The following XPNPEP3 variants were observed in gnomAD, a reference collection of about 807,000 sequenced individuals.
XPNPEP3 encodes the protein xaa-Pro aminopeptidase 3.
A neutral mutation model predicts 60.0 loss-of-function variants in XPNPEP3; 41 were observed. That is an observed-to-expected ratio of 0.68 (90% CI 0.53 to 0.89). The LOEUF is 0.89. XPNPEP3 is among the 40% of genes least tolerant of loss of function. The probability of loss-of-function intolerance (pLI) is 0.00; values close to 1 mark genes in which losing one functional copy is unlikely to be tolerated. For synonymous variants in XPNPEP3, 212 were observed against 223.2 expected, an observed-to-expected ratio of 0.95 and a Z score of 0.45; for missense variants, 598 against 638.9, an observed-to-expected ratio of 0.94 and a Z score of 0.69.
rs750588344 is a variant in XPNPEP3 at position 40,886,521 on chromosome 22, A to AT, written c.792+8dup. ...CTGGGAAGCTGACATCACAGGTATG[A>AT]TTCCTATTGAAAAGTTTTTTCCAGC... is the stretch of plus-strand genomic sequence containing the variant. On this transcript the variant is annotated splice_region_variant and intron_variant, in intron 4 of 9. Transcript: ENST00000357137. 6.2e-7 allele frequency: 1 copy of AT among 1,613,234 alleles called. No homozygotes were observed. The highest frequency in any genetic ancestry group is 8.5e-7 in the Non-Finnish European group (1 of 1,179,906).
intron 2 of XPNPEP3, among the ~76,000 whole-genome samples, chr22:40,877,931 G>A (rs1214309441): frequency 1.3e-5 from 2 of 151,986 alleles, no homozygotes; most frequent in Non-Finnish European, 2.9e-5. Flanking sequence ...TTGTTTCTGG[G>A]TACAGTGGCT....
At chr22:40,912,320 T>C (rs943573561) in intron 6 of XPNPEP3, among the ~76,000 whole-genome samples, 3 of 152,200 alleles carry the variant, frequency 2.0e-5, no homozygotes, top group Non-Finnish European at 4.4e-5. Flanking sequence ...TCATAGGATA[T>C]ACATATCTGC....
At chr22:40,864,260 G>C (rs552939470) in intron 1 of XPNPEP3, among the ~76,000 whole-genome samples, 4 of 152,160 alleles carry the variant, frequency 2.6e-5, no homozygotes, top group Admixed American at 6.5e-5. Flanking sequence ...TTGGGGTGCT[G>C]GTGGGAGTGT....
chr22:40,922,559 C>CA, intron 8 of XPNPEP3, 46 bp downstream of exon 8: 3 of 1,592,240 alleles, frequency 1.9e-6, no homozygotes, highest in Non-Finnish European at 2.6e-6. Flanking sequence ...ACCTAGCATG[C>CA]TGCTAGGTTT....
intron 4 of XPNPEP3, among the ~76,000 whole-genome samples, chr22:40,893,505 CA>C (rs764114832): frequency 8.2e-3 from 332 of 40,254 alleles, no homozygotes; most frequent in South Asian, 0.036. Context: ...AACTCTATCT[CA>C]AAAAAAAAAA....
intron 7 of XPNPEP3, among the ~76,000 whole-genome samples, chr22:40,922,025 G>T (rs1201033736): frequency 6.6e-6 from 1 of 151,832 alleles, no homozygotes; most frequent in Non-Finnish European, 1.5e-5. Flanking sequence ...ACAGGATCAT[G>T]GCTGAGCCTC....
intron 6 of XPNPEP3, among the ~76,000 whole-genome samples, chr22:40,911,951 G>C (rs1361320486): frequency 6.6e-6 from 1 of 152,196 alleles, no homozygotes; most frequent in Non-Finnish European, 1.5e-5. Context: ...TATCCCAGAA[G>C]TTTTATGATG....
At chr22:40,889,661 A>C (rs2058081822) in intron 4 of XPNPEP3, among the ~76,000 whole-genome samples, 1 of 152,180 alleles carries the variant, frequency 6.6e-6, no homozygotes, top group African/African-American at 2.4e-5. Flanking sequence ...CCTCACCTCT[A>C]CAAAAAAAGA....
chr22:40,884,784 G>C (rs965780434), intron 3 of XPNPEP3, among the ~76,000 whole-genome samples: 1 of 151,750 alleles, frequency 6.6e-6, no homozygotes, highest in African/African-American at 2.4e-5. Flanking sequence ...CCAGCACTTC[G>C]GGAGGCCAAG....
In XPNPEP3 at chr22:40,929,872, CTG is replaced by C. The variant is rs2146285768; in HGVS notation, c.*3439_*3440del. ...TTTTTAATACAGAGAATGCTATTAA[CTG>C]TTACTGGATATCAAATAATTTTATT... On this transcript the variant is annotated 3_prime_UTR_variant, in exon 10 of 10. Transcript: ENST00000357137. The C allele has an allele frequency of 6.6e-6, 1 of 152,276 alleles. No individual in the cohort carries two copies. Among genetic ancestry groups the C allele is most frequent in the East Asian group, 1.9e-4 (1 of 5,190 alleles). 9.4% of individuals were successfully genotyped at this position (152,276 alleles called of 1,614,324 possible).
intron 2 of XPNPEP3, among the ~76,000 whole-genome samples, chr22:40,873,817 A>T (rs939413299): frequency 1.3e-4 from 20 of 152,132 alleles, no homozygotes; most frequent in African/African-American, 4.3e-4. Context: ...AAATAGAAAT[A>T]AAATAAATAA....
intron 2 of XPNPEP3, among the ~76,000 whole-genome samples, chr22:40,869,816 G>A (rs9623262): frequency 0.053 from 8,079 of 152,262 alleles, 684 homozygotes; most frequent in African/African-American, 0.18. Flanking sequence ...GAATATCTCA[G>A]AGAGGAAGGT....
At chr22:40,869,249 A>G (rs2057993923) in intron 2 of XPNPEP3, 134 bp downstream of exon 2, 2 of 737,232 alleles carry the variant, frequency 2.7e-6, no homozygotes. Flanking sequence ...TGGCCATTTT[A>G]CACTAATAAG....
intron 4 of XPNPEP3, chr22:40,907,320 C>T (rs984626105): frequency 2.4e-6 from 1 of 423,702 alleles, no homozygotes; most frequent in Admixed American, 3.1e-5. Context: ...ACTCGAGAGG[C>T]TGAGGCAGGA....
rs147483735 is a variant in XPNPEP3, at chr22:40,918,633, G to A, written c.1056-3700G>A. ...CGGGAGGTGGAGGTCGCAGTGAGCC[G>A]AGATCACACCACTGTACTCCAGCCT... is the stretch of plus-strand genomic sequence containing the variant. On this transcript the variant is annotated intron_variant, in intron 7 of 9. Transcript: ENST00000357137. Among the ~76,000 whole-genome samples, 917 of 149,512 alleles carry A rather than the reference G, an allele frequency of 6.1e-3. 7 individuals carry two copies. The highest frequency in any genetic ancestry group is 0.021 in the African/African-American group (872 of 40,666).
chr22:40,861,745 A>G lies in XPNPEP3; in HGVS notation c.64+4500A>G, dbSNP rs200291636. The G allele has an allele frequency of 1.1e-4, 171 of 1,613,398 alleles. 1 individual carries two copies. Among genetic ancestry groups the G allele is most frequent in the Middle Eastern group, 1.6e-4 (1 of 6,082 alleles). On this transcript the variant is annotated intron_variant, in intron 1 of 9. Coordinates refer to ENST00000357137, the MANE Select transcript of XPNPEP3 (RefSeq NM_022098.4). ...TTATGGAATGTGAAGCCGTACTCAC[A>G]TTCATCATCAAAATGACTTCCACCT... is the stretch of plus-strand genomic sequence containing the variant.
Position 40,926,578 on chromosome 22 carries a change from TTG to T in XPNPEP3, c.*150_*151del. 1 of 1,101,398 alleles carries T rather than the reference TTG, an allele frequency of 9.1e-7. No individual in the cohort carries two copies. The highest frequency in any genetic ancestry group is 1.4e-6 in the Non-Finnish European group (1 of 730,930). The allele number at this position is 1,101,398 out of a possible 1,614,324, so 68.2% of individuals were successfully genotyped here. On this transcript the variant is annotated 3_prime_UTR_variant, in exon 10 of 10. Coordinates refer to ENST00000357137, the MANE Select transcript of XPNPEP3 (RefSeq NM_022098.4). ...ATAGCAGCTGTGTGAATGTATGTAATTGTGTGTGGGGGGTTTTTTGTTTTAAG... is the reference window on the plus strand; with the variant it reads ...ATAGCAGCTGTGTGAATGTATGTAATTGTGTGGGGGGTTTTTTGTTTTAAG...
intron 4 of XPNPEP3, among the ~76,000 whole-genome samples, chr22:40,895,421 T>C (rs2058104126): frequency 6.6e-6 from 1 of 151,868 alleles, no homozygotes; most frequent in South Asian, 2.1e-4. Flanking sequence ...CTGCAACCTC[T>C]GCTTCCCGGG....
At chr22:40,923,626 C>A (rs149312921) in intron 8 of XPNPEP3, among the ~76,000 whole-genome samples, 1 of 151,942 alleles carries the variant, frequency 6.6e-6, no homozygotes. Context: ...CTGAGGCAGG[C>A]GGATCACATG....
Sources: gnomAD v4.1 joint callset for allele counts (sites outside exome capture counted in the v4.1 genomes callset) on GRCh38, gnomAD v4.1.1 for gene constraint, MANE v1.5 for transcripts, NCBI Gene and HGNC (gene_info 2026-07-23, HGNC 2026-07-21) for gene names.